RERE: variants seen among roughly 807,000 people sequenced by gnomAD.
The protein encoded by RERE is arginine-glutamic acid dipeptide repeats, also known as arginine-glutamic acid dipeptide repeats protein.
Under a neutral mutation model 146.1 loss-of-function variants are expected in RERE, and 40 were observed. The ratio of observed to expected loss-of-function variants is 0.27; its 90% CI spans 0.21 to 0.36. RERE has a LOEUF of 0.36. Among genes scored for constraint, RERE ranks in the 10% least tolerant of loss-of-function variants. The probability of loss-of-function intolerance (pLI) is 1.00; values close to 1 mark genes in which losing one functional copy is unlikely to be tolerated. For missense variants in RERE, 1,933 were observed against 2,138.7 expected (o/e 0.90, Z 1.90); for synonymous variants, 1,003 against 866.0 (o/e 1.16, Z -2.78).
intron 2 of RERE, among the ~76,000 whole-genome samples, chr1:8,648,817 T>C (rs12029088): frequency 0.23 from 34,703 of 151,940 alleles, 5,645 homozygotes; most frequent in East Asian, 0.76. Context: ...TTCATGAAAG[T>C]AGAAGGAACA....
chr1:8,636,079 C>T (rs1050959566), intron 2 of RERE, among the ~76,000 whole-genome samples: 2 of 152,326 alleles, frequency 1.3e-5, no homozygotes, highest in Non-Finnish European at 2.9e-5. Context: ...ACCTCCGCCT[C>T]CCAGGTTCAA....
intron 11 of RERE, among the ~76,000 whole-genome samples, chr1:8,438,632 G>A (rs74049639): frequency 0.014 from 2,199 of 152,238 alleles, 56 homozygotes; most frequent in African/African-American, 0.05. Flanking sequence ...TCAAAGGCCT[G>A]ATTCTAGCAA....
At chr1:8,491,639 A>G (rs1441846003) in intron 10 of RERE, among the ~76,000 whole-genome samples, 2 of 152,192 alleles carry the variant, frequency 1.3e-5, no homozygotes, top group African/African-American at 4.8e-5. Flanking sequence ...CAAACAAAAA[A>G]GAACTGACAG....
chr1:8,593,598 G>C (rs1252081721), intron 4 of RERE, among the ~76,000 whole-genome samples: 1 of 152,200 alleles, frequency 6.6e-6, no homozygotes, highest in African/African-American at 2.4e-5. Flanking sequence ...TCTCAGGTAT[G>C]GCTTTATTAG....
Position 8,361,126 on chromosome 1 carries a change from G to A in RERE, c.2381C>T (p.Pro794Leu), listed in dbSNP as rs201922249. ...CTGTTGGATGTGGGTGTGGGGAACA[G>A]GCGCTGTGGGAGCCTGTGGCTGGTT... ...APNQPQAPTA[P>L]VPHTHIQQAP... is the part of the protein sequence containing the mutation. The change falls in exon 18 of 23, where the codon CCT (proline) becomes CTT (leucine). Residue 794 changes from proline to leucine, a missense_variant. Transcript: ENST00000400908. 0.018 allele frequency: 25,890 copies of A among 1,445,134 alleles called. 253 individuals carry two copies. Among genetic ancestry groups the A allele is most frequent in the Non-Finnish European group, 0.021 (23,117 of 1,103,908 alleles). 89.5% of individuals were successfully genotyped at this position (1,445,134 alleles called of 1,614,324 possible).
intron 10 of RERE, among the ~76,000 whole-genome samples, chr1:8,476,699 A>C (rs1315871829): frequency 6.6e-6 from 1 of 152,222 alleles, no homozygotes. Flanking sequence ...AGCAACAACC[A>C]CATAAAAAAC....
chr1:8,595,405 TA>T (rs1180263980), intron 4 of RERE, among the ~76,000 whole-genome samples: 2 of 151,938 alleles, frequency 1.3e-5, no homozygotes, highest in East Asian at 1.9e-4. Context: ...GTTACAACAT[TA>T]AAAAAAGTAC....
intron 2 of RERE, among the ~76,000 whole-genome samples, chr1:8,651,840 G>A (rs1024896888): frequency 6.6e-6 from 1 of 151,670 alleles, no homozygotes; most frequent in African/African-American, 2.4e-5. Flanking sequence ...TGTTTTTTAA[G>A]AGACAGTCTT....
At chr1:8,477,520 A>C (rs1644771824) in intron 10 of RERE, among the ~76,000 whole-genome samples, 2 of 152,232 alleles carry the variant, frequency 1.3e-5, no homozygotes, top group South Asian at 4.1e-4. Context: ...AAAATTTGTG[A>C]CATGAAACTG....
intron 13 of RERE, 39 bp downstream of exon 13, chr1:8,365,773 C>G: frequency 6.2e-7 from 1 of 1,606,268 alleles, no homozygotes; most frequent in Non-Finnish European, 8.5e-7. Flanking sequence ...CGTGAACAGT[C>G]TCCCCTCCGC....
At chr1:8,672,729 T>C (rs1638745510) in intron 1 of RERE, among the ~76,000 whole-genome samples, 1 of 152,240 alleles carries the variant, frequency 6.6e-6, no homozygotes, top group Non-Finnish European at 1.5e-5. Context: ...CAGATATACT[T>C]GGCTTCTGGA....
intron 12 of RERE, among the ~76,000 whole-genome samples, chr1:8,393,551 T>G (rs555030266): frequency 1.3e-5 from 2 of 152,320 alleles, no homozygotes; most frequent in South Asian, 4.1e-4. Context: ...TTCTAACAGC[T>G]CAAGGTGTTT....
At position 8,641,553 on chromosome 1, in the gene RERE, C is replaced by T. The variant is rs564451403; in HGVS notation, c.325+14420G>A. Among the ~76,000 whole-genome samples the T allele has an allele frequency of 5.3e-5, 8 of 152,262 alleles. No individual in the cohort carries two copies. In the South Asian group the frequency reaches 6.2e-4, roughly 12 times the overall value. On this transcript the variant is annotated intron_variant, in intron 2 of 22. Transcript: ENST00000400908. Reference sequence around the variant, plus strand: ...TGATTGGAACTCTGTCACAGTCCTCCGGACTGATTTTAGCATCTGGCTTGG... The same window carrying T: ...TGATTGGAACTCTGTCACAGTCCTCTGGACTGATTTTAGCATCTGGCTTGG...
chr1:8,469,842 G>C (rs564030049), intron 10 of RERE, among the ~76,000 whole-genome samples: 1 of 152,120 alleles, frequency 6.6e-6, no homozygotes, highest in South Asian at 2.1e-4. Flanking sequence ...TGAACATCTC[G>C]TTGTGGTTGT....
intron 11 of RERE, among the ~76,000 whole-genome samples, chr1:8,462,764 A>G (rs188984548): frequency 6.6e-6 from 1 of 152,348 alleles, no homozygotes; most frequent in Non-Finnish European, 1.5e-5. Context: ...ATAAGTAGCC[A>G]GGCATTGTGG....
chr1:8,647,763 A>G (rs1339743507), intron 2 of RERE, among the ~76,000 whole-genome samples: 1 of 151,800 alleles, frequency 6.6e-6, no homozygotes, highest in Non-Finnish European at 1.5e-5. Context: ...GCCTTACAGA[A>G]GCTTTCGATG....
chr1:8,552,339 C>A (rs1339626016), intron 6 of RERE, among the ~76,000 whole-genome samples: 1 of 152,190 alleles, frequency 6.6e-6, no homozygotes, highest in Non-Finnish European at 1.5e-5. Flanking sequence ...GTTACTGTGA[C>A]CGGATGAAAC....
chr1:8,735,704 T>TC (rs1640181270), intron 1 of RERE, among the ~76,000 whole-genome samples: 1 of 152,094 alleles, frequency 6.6e-6, no homozygotes, highest in Admixed American at 6.5e-5. Context: ...TTTAGCACCA[T>TC]CCCCTCGGTG....
chr1:8,476,486 G>A (rs1215048964), intron 10 of RERE, among the ~76,000 whole-genome samples: 1 of 152,130 alleles, frequency 6.6e-6, no homozygotes, highest in Non-Finnish European at 1.5e-5. Context: ...AAAGGAGGGA[G>A]CCAGCAGCTC....
Sources: allele counts gnomAD v4.1 joint callset (sites outside exome capture counted in the v4.1 genomes callset), GRCh38; gene constraint gnomAD v4.1.1; transcripts MANE v1.5; gene names NCBI Gene and HGNC (gene_info 2026-07-23, HGNC 2026-07-21).